AAMDC: variants seen among roughly 807,000 people sequenced by gnomAD.
AAMDC encodes adipogenesis associated Mth938 domain containing.
A neutral mutation model predicts 15.5 loss-of-function variants in AAMDC; 16 were observed. The observed-to-expected ratio is 1.03, with a 90% CI of 0.70 to 1.57. AAMDC has a LOEUF of 1.57. AAMDC is among the 40% of genes most tolerant of loss of function. AAMDC has a pLI of 0.00. For missense variants in AAMDC, 141 were observed against 144.9 expected, an observed-to-expected ratio of 0.97 and a Z score of 0.14; for synonymous variants, 51 against 51.6, an observed-to-expected ratio of 0.99 and a Z score of 0.05.
intron 1 of AAMDC, among the ~76,000 whole-genome samples, chr11:77,835,266 T>C (rs1336626819): frequency 1.3e-5 from 2 of 152,322 alleles, no homozygotes; most frequent in East Asian, 3.9e-4. Context: ...CTCTTTATTC[T>C]GTTGCTTGGA....
rs376238607 is a variant in AAMDC, at chr11:77,855,133, T to A, written c.132+12505T>A. 2.0e-5 allele frequency among the ~76,000 whole-genome samples: 3 copies of A among 152,270 alleles called. No individual in the cohort carries two copies. The East Asian group carries it at 5.8e-4, about 29-fold the overall frequency. On this transcript the variant is annotated intron_variant, in intron 2 of 3. Transcript: ENST00000393427. Reference sequence around the variant, plus strand: ...GGCTGCACAGAGCAGTGAGGCCTTGTACCTGTCCCACAAAACCATTATTTC... The same window carrying A: ...GGCTGCACAGAGCAGTGAGGCCTTGAACCTGTCCCACAAAACCATTATTTC...
intron 2 of AAMDC, among the ~76,000 whole-genome samples, chr11:77,861,477 C>T (rs968064172): frequency 2.6e-5 from 4 of 152,250 alleles, no homozygotes; most frequent in Non-Finnish European, 4.4e-5. Context: ...CAAGTATACC[C>T]GGGGCTCTGT....
chr11:77,826,499 C>T (rs1047769458), intron 1 of AAMDC, among the ~76,000 whole-genome samples: 29 of 152,122 alleles, frequency 1.9e-4, no homozygotes, highest in African/African-American at 7.0e-4. Context: ...TACAGCAAGG[C>T]CTGATATTCA....
At chr11:77,905,005 G>T (rs1952900234), downstream of AAMDC, among the ~76,000 whole-genome samples, 1 of 152,192 alleles carries the variant, frequency 6.6e-6, no homozygotes, top group Non-Finnish European at 1.5e-5. Context: ...CAGAAACCTG[G>T]TAAAAGATTA....
chr11:77,852,927 T>C (rs897628299), intron 2 of AAMDC, among the ~76,000 whole-genome samples: 4 of 152,176 alleles, frequency 2.6e-5, no homozygotes, highest in African/African-American at 9.7e-5. Context: ...ATATTGTTTA[T>C]TCACTTTAGT....
At chr11:77,873,368 C>T (rs1475072555), downstream of AAMDC, among the ~76,000 whole-genome samples, 1 of 152,176 alleles carries the variant, frequency 6.6e-6, no homozygotes, top group Non-Finnish European at 1.5e-5. Context: ...TTGTCCTTAT[C>T]TTTCTATTAA....
At chr11:77,835,925 T>A (rs561527109) in intron 1 of AAMDC, among the ~76,000 whole-genome samples, 198 of 151,370 alleles carry the variant, frequency 1.3e-3, no homozygotes, top group African/African-American at 4.4e-3. Flanking sequence ...AAAAAAAAAA[T>A]AATAATAAAA....
intron 2 of AAMDC, chr11:77,855,466 C>A: frequency 5.1e-6 from 1 of 194,728 alleles, no homozygotes; most frequent in Non-Finnish European, 1.1e-5. Flanking sequence ...ACTACAGGTG[C>A]CTGCCACCAC....
rs566407142 is a variant in AAMDC, at chr11:77,887,262, T to C, written c.328+10213T>C. On this transcript the variant is annotated intron_variant, in intron 5 of 5. Coordinates refer to the AAMDC transcript ENST00000304716. Reference sequence around the variant, plus strand: ...CTTCATCCCTGGGATGCAAGGCTGGTTCAACATACGAAAATCAATAAATGT... The same window carrying C: ...CTTCATCCCTGGGATGCAAGGCTGGCTCAACATACGAAAATCAATAAATGT... Among the ~76,000 whole-genome samples, 370 of 152,276 alleles carry C rather than the reference T, an allele frequency of 2.4e-3. 4 individuals carry two copies. Among genetic ancestry groups the C allele is most frequent in the African/African-American group, 8.6e-3 (356 of 41,562 alleles).
At position 77,847,703 on chromosome 11, in the gene AAMDC, G is replaced by T. The variant is rs141331297; in HGVS notation, c.132+5075G>T. Among the ~76,000 whole-genome samples the T allele has an allele frequency of 2.9e-3, 443 of 152,298 alleles. 2 individuals are homozygous for T. Among genetic ancestry groups the T allele is most frequent in the African/African-American group, 0.01 (425 of 41,560 alleles). Reference sequence around the variant, plus strand: ...GGTTAATAGAGCATCTATATATGCAGAACTTAGTTTATATTGTATTCAGTT... The same window carrying T: ...GGTTAATAGAGCATCTATATATGCATAACTTAGTTTATATTGTATTCAGTT... On this transcript the variant is annotated intron_variant, in intron 2 of 3. Coordinates refer to ENST00000393427, the MANE Select transcript of AAMDC (RefSeq NM_024684.4).
intron 2 of AAMDC, among the ~76,000 whole-genome samples, chr11:77,856,510 T>C (rs1950629962): frequency 6.6e-6 from 1 of 152,230 alleles, no homozygotes; most frequent in Admixed American, 6.5e-5. Context: ...GTTAGTCTCT[T>C]CTTGCATTGC....
chr11:77,876,151 T>C (rs747160877), downstream of AAMDC, among the ~76,000 whole-genome samples: 6 of 152,042 alleles, frequency 3.9e-5, no homozygotes, highest in Non-Finnish European at 7.4e-5. Context: ...ATGGCTACTT[T>C]TGTATGAGGG....
At chr11:77,888,575 G>C (rs1420843909) in intron 5 of AAMDC, among the ~76,000 whole-genome samples, 2 of 152,102 alleles carry the variant, frequency 1.3e-5, no homozygotes, top group Admixed American at 1.3e-4. Flanking sequence ...TTGAGAAATG[G>C]GATCTAATTA....
rs563505794 is a variant in AAMDC, at chr11:77,899,577, G to T, written c.329-994G>T. Among the ~76,000 whole-genome samples, 149 of 151,726 alleles carry T rather than the reference G, an allele frequency of 9.8e-4. 1 individual carries two copies. Among genetic ancestry groups the T allele is most frequent in the African/African-American group, 3.6e-3 (148 of 41,134 alleles). On this transcript the variant is annotated intron_variant, in intron 5 of 5. Coordinates refer to the AAMDC transcript ENST00000304716. ...CCCAGCTACTTGGGAGGCTGAGGCAGGAGAATCGCTTGAACCCAGGAGGCA... is the reference window on the plus strand; with the variant it reads ...CCCAGCTACTTGGGAGGCTGAGGCATGAGAATCGCTTGAACCCAGGAGGCA...
chr11:77,852,224 C>CAAAAAAAAAAAAAAAAAAAAAAA (rs545742213), intron 2 of AAMDC, among the ~76,000 whole-genome samples: 18 of 33,460 alleles, frequency 5.4e-4, no homozygotes, highest in Non-Finnish European at 6.8e-4. Flanking sequence ...GACACTGTCT[C>CAAAAAAAAAAAAAAAAAAAAAAA]AAAAAAAAAA....
chr11:77,823,949 T>A (rs961114154), intron 1 of AAMDC, among the ~76,000 whole-genome samples: 2 of 152,184 alleles, frequency 1.3e-5, no homozygotes, highest in South Asian at 2.1e-4. Context: ...ACTATAGTTT[T>A]CTTTTCTCAC....
chr11:77,825,060 ATGC>A lies in AAMDC; in HGVS notation c.-19+3821_-19+3823del. Among the ~76,000 whole-genome samples, 3 of 152,266 alleles carry A rather than the reference ATGC, an allele frequency of 2.0e-5. No individual in the cohort carries two copies. The East Asian group carries it at 5.8e-4, about 29-fold the overall frequency. On this transcript the variant is annotated intron_variant, in intron 1 of 3. Coordinates refer to ENST00000393427, the MANE Select transcript of AAMDC (RefSeq NM_024684.4). Reference sequence around the variant, plus strand: ...CAGTGACGCGATCTCAGCTCACTGCATGCTCCGACTCCTGGTTTCACGCCATTC... The same window carrying A: ...CAGTGACGCGATCTCAGCTCACTGCATCCGACTCCTGGTTTCACGCCATTC...
chr11:77,839,810 G>C (rs917522025), intron 1 of AAMDC, among the ~76,000 whole-genome samples: 2 of 152,046 alleles, frequency 1.3e-5, no homozygotes, highest in Non-Finnish European at 2.9e-5. Context: ...CACACACTGG[G>C]GCTTGCTGGT....
At chr11:77,892,457 G>A (rs1361993770) in intron 5 of AAMDC, among the ~76,000 whole-genome samples, 2 of 152,094 alleles carry the variant, frequency 1.3e-5, no homozygotes, top group African/African-American at 4.8e-5. Context: ...AAGAACTTTG[G>A]GGATTCAGAG....
Sources: gnomAD v4.1 joint callset for allele counts (sites outside exome capture counted in the v4.1 genomes callset) on GRCh38, gnomAD v4.1.1 for gene constraint, MANE v1.5 for transcripts, NCBI Gene and HGNC (gene_info 2026-07-23, HGNC 2026-07-21) for gene names.